Variants in TASP1 observed in about 807,000 individuals in gnomAD.
TASP1 encodes taspase 1.
A neutral mutation model predicts 56.6 loss-of-function variants in TASP1; 16 were observed. That is an observed-to-expected ratio of 0.28 (90% CI 0.19 to 0.43). TASP1 has a LOEUF of 0.43. TASP1 is among the 20% of genes least tolerant of loss of function. The probability of loss-of-function intolerance (pLI) is 1.00; values close to 1 mark genes in which losing one functional copy is unlikely to be tolerated. For synonymous variants in TASP1, 179 were observed against 184.2 expected (o/e 0.97, Z 0.23); for missense variants, 393 against 511.6 (o/e 0.77, Z 2.24).
At chr20:13,517,920 T>A (rs2044599441) in intron 10 of TASP1, among the ~76,000 whole-genome samples, 1 of 152,114 alleles carries the variant, frequency 6.6e-6, no homozygotes, top group Non-Finnish European at 1.5e-5. Context: ...AGAAATGTGC[T>A]GGTAGTTTAT....
intron 8 of TASP1, among the ~76,000 whole-genome samples, chr20:13,551,246 A>C (rs1216045797): frequency 6.6e-6 from 1 of 152,172 alleles, no homozygotes; most frequent in African/African-American, 2.4e-5. Context: ...AGAAGGAAAG[A>C]TATTCATTCA....
chr20:13,392,401 T>G (rs1365470708), intron 13 of TASP1, among the ~76,000 whole-genome samples: 1 of 152,214 alleles, frequency 6.6e-6, no homozygotes, highest in Non-Finnish European at 1.5e-5. Flanking sequence ...AGCACCCATA[T>G]GAGCATTTCT....
chr20:13,168,768 T>C, the TASP1 span: 2 of 152,216 alleles, frequency 1.3e-5, no homozygotes, highest in Non-Finnish European at 2.9e-5. Context: ...AAGAACAGCA[T>C]CTGGTGAATT....
chr20:13,580,600 A>C (rs1270326693), intron 6 of TASP1, among the ~76,000 whole-genome samples: 3 of 152,238 alleles, frequency 2.0e-5, no homozygotes, highest in Admixed American at 1.3e-4. Context: ...ATGTACTTTT[A>C]TTCTAAGAAC....
chr20:13,124,360 A>G, the TASP1 span, among the ~76,000 whole-genome samples: 1 of 151,812 alleles, frequency 6.6e-6, no homozygotes, highest in Non-Finnish European at 1.5e-5. Flanking sequence ...GGAGGAAGGG[A>G]AGAAGGGAGG....
At chr20:13,574,205 T>C (rs1489539408) in intron 6 of TASP1, among the ~76,000 whole-genome samples, 1 of 152,068 alleles carries the variant, frequency 6.6e-6, no homozygotes, top group Non-Finnish European at 1.5e-5. Flanking sequence ...AAAGGCCTCA[T>C]TCTAGGTGCA....
At chr20:13,621,956 G>C (rs539666136) in intron 4 of TASP1, among the ~76,000 whole-genome samples, 26 of 152,242 alleles carry the variant, frequency 1.7e-4, no homozygotes, top group African/African-American at 6.3e-4. Flanking sequence ...TTGTGTGTCT[G>C]TTTTGAGTAA....
At chr20:13,219,430 T>G in the TASP1 span, among the ~76,000 whole-genome samples, 5 of 151,922 alleles carry the variant, frequency 3.3e-5, no homozygotes, top group Non-Finnish European at 5.9e-5. Flanking sequence ...TACGGACGGT[T>G]ATTGTTTCGC....
intron 8 of TASP1, among the ~76,000 whole-genome samples, chr20:13,548,709 A>G (rs2045886799): frequency 6.6e-6 from 1 of 152,182 alleles, no homozygotes; most frequent in Non-Finnish European, 1.5e-5. Context: ...GATGCTGGAC[A>G]TGAAGTCATT....
the TASP1 span, among the ~76,000 whole-genome samples, chr20:13,233,511 C>T: frequency 6.7e-6 from 1 of 149,754 alleles, no homozygotes; most frequent in Non-Finnish European, 1.5e-5. Context: ...AGGAAAATTG[C>T]TTGAACCAGG....
chr20:13,214,519 GCACACACACACACACACACACACACACA>G, the TASP1 span, among the ~76,000 whole-genome samples: 1 of 115,712 alleles, frequency 8.6e-6, no homozygotes, highest in South Asian at 3.3e-4. Flanking sequence ...ACAGAGACAG[GCACACACACACACACACACACACACACA>G]CACACACACA....
chr20:13,348,649 C>T, the TASP1 span, among the ~76,000 whole-genome samples: 1 of 152,146 alleles, frequency 6.6e-6, no homozygotes, highest in African/African-American at 2.4e-5. Flanking sequence ...TGCCAGGGAG[C>T]ATCTAGTTCT....
downstream of TASP1, among the ~76,000 whole-genome samples, chr20:13,386,966 A>G (rs965294524): frequency 6.6e-5 from 10 of 152,138 alleles, no homozygotes; most frequent in Non-Finnish European, 1.3e-4. Flanking sequence ...TGTATCACCC[A>G]GTTAATCAGC....
chr20:13,429,660 G>A (rs954585468), intron 12 of TASP1, among the ~76,000 whole-genome samples: 4 of 151,978 alleles, frequency 2.6e-5, no homozygotes, highest in African/African-American at 9.7e-5. Context: ...GCCTGTCTGT[G>A]TGTGTGCTGC....
intron 12 of TASP1, among the ~76,000 whole-genome samples, chr20:13,421,680 T>G (rs2042437720): frequency 1.3e-5 from 2 of 152,158 alleles, no homozygotes; most frequent in South Asian, 4.1e-4. Flanking sequence ...CTACCAGGTT[T>G]CAGATATCAA....
chr20:13,353,738 C>T, the TASP1 span, among the ~76,000 whole-genome samples: 2 of 152,152 alleles, frequency 1.3e-5, no homozygotes, highest in Non-Finnish European at 2.9e-5. Context: ...GAAAGTCCTC[C>T]CACAGAGCAT....
chr20:13,514,197 A>T (rs1483306656), intron 10 of TASP1, among the ~76,000 whole-genome samples: 5 of 152,126 alleles, frequency 3.3e-5, no homozygotes. Context: ...GCAGATTTCA[A>T]TTGGGAGCCT....
At chr20:13,229,639 C>A in the TASP1 span, among the ~76,000 whole-genome samples, 2 of 152,158 alleles carry the variant, frequency 1.3e-5, no homozygotes, top group Non-Finnish European at 1.5e-5. Context: ...TTACACAAGC[C>A]TTTCTGTGGA....
chr20:13,164,617 G>C, the TASP1 span: 1 of 665,804 alleles, frequency 1.5e-6, no homozygotes, highest in Non-Finnish European at 2.6e-6. Flanking sequence ...TACGGATCTT[G>C]CTTCTTTTCT....
Sources: gnomAD v4.1 joint callset for allele counts (sites outside exome capture counted in the v4.1 genomes callset) on GRCh38, gnomAD v4.1.1 for gene constraint, MANE v1.5 for transcripts, NCBI Gene and HGNC (gene_info 2026-07-23, HGNC 2026-07-21) for gene names.